RNF17: variants seen among roughly 807,000 people sequenced by gnomAD.
RNF17 encodes the protein spermatogenesis associated 23.
In RNF17, 31 loss-of-function variants were observed where a neutral mutation model predicts 200.5. That is an observed-to-expected ratio of 0.15 (90% confidence interval 0.12 to 0.21). The LOEUF (loss-of-function observed/expected upper bound fraction) is 0.21. Among genes scored for constraint, RNF17 ranks in the 10% least tolerant of loss-of-function variants. RNF17 has a pLI of 1.00. For missense variants in RNF17, 1,628 were observed against 1,905.1 expected (o/e 0.85, Z 2.71); for synonymous variants, 606 against 637.8 (o/e 0.95, Z 0.75).
At chr13:24,759,090 A>AAG in the RNF17 span, among the ~76,000 whole-genome samples, 4 of 151,520 alleles carry the variant, frequency 2.6e-5, no homozygotes, top group South Asian at 2.1e-4. Flanking sequence ...AAAAAAAAAA[A>AAG]AAAAAAAAAA....
At chr13:24,769,088 C>G (rs1880271965) in intron 2 of RNF17, among the ~76,000 whole-genome samples, 1 of 143,478 alleles carries the variant, frequency 7.0e-6, no homozygotes, top group African/African-American at 2.6e-5. Context: ...GGTAGTAGAT[C>G]CCTGATGGAT....
intron 6 of RNF17, among the ~76,000 whole-genome samples, chr13:24,782,791 T>C: frequency 6.6e-6 from 1 of 152,202 alleles, no homozygotes; most frequent in East Asian, 1.9e-4. Flanking sequence ...AGCAATTCTT[T>C]GTATATTTTG....
At chr13:24,883,341 T>G (rs1213678504), downstream of RNF17, 1 of 1,613,256 alleles carries the variant, frequency 6.2e-7, no homozygotes, top group Non-Finnish European at 8.5e-7. Flanking sequence ...CTTTGGCCAT[T>G]ATTAAACTCT....
At chr13:24,880,501 C>T (rs1001705085), downstream of RNF17, among the ~76,000 whole-genome samples, 1 of 152,188 alleles carries the variant, frequency 6.6e-6, no homozygotes, top group Non-Finnish European at 1.5e-5. Context: ...TGAATGCATC[C>T]ATAAATGACA....
chr13:24,830,447 T>A (rs759834228), intron 16 of RNF17, 37 bp from the exon 17 acceptor site: 3 of 1,313,332 alleles, frequency 2.3e-6, no homozygotes, highest in Non-Finnish European at 3.3e-6. Context: ...TAATTCTGTT[T>A]CCAAGTTTGT....
In RNF17 at chr13:24,767,488, G is replaced by A. The variant is rs1025716233; in HGVS notation, c.225+122G>A. On this transcript the variant is annotated intron_variant, in intron 2 of 35. Coordinates refer to ENST00000255324, the MANE Select transcript of RNF17 (RefSeq NM_031277.3). Reference sequence around the variant, plus strand: ...AAGTTGGCCGGGCGTGGTGGCTGACGCCTGTAATCCCAGCACTTTTGGAGG... The same window carrying A: ...AAGTTGGCCGGGCGTGGTGGCTGACACCTGTAATCCCAGCACTTTTGGAGG... The A allele has an allele frequency of 2.4e-5, 15 of 632,802 alleles. 1 individual carries two copies. Among genetic ancestry groups the A allele is most frequent in the South Asian group, 1.1e-4 (6 of 52,950 alleles). The allele number at this position is 632,802 out of a possible 1,614,324, so 39.2% of individuals were successfully genotyped here.
rs1400198734 is a variant in RNF17 at position 24,868,664 on chromosome 13, C to T, written c.4226C>T (p.Ser1409Phe). Residue 1409 changes from serine (S) to phenylalanine (F), a missense_variant, in exon 31 of 36, where the codon TCC (serine) becomes TTC (phenylalanine). Physicochemically the swap from Ser to Phe is radical, Grantham distance 155. Coordinates refer to ENST00000255324, the MANE Select transcript of RNF17 (RefSeq NM_031277.3). The part of the protein sequence containing the change: ...LPPYLSSSLP[S>F]PGELYAVQVK... Reference sequence around the variant, plus strand: ...CCATATTTGTCTTCATCTCTGCCTTCCCCAGGAGAACTCTATGCTGTTCAA... The same window carrying T: ...CCATATTTGTCTTCATCTCTGCCTTTCCCAGGAGAACTCTATGCTGTTCAA... 1 of 1,609,880 alleles carries T rather than the reference C, an allele frequency of 6.2e-7. No individual in the cohort carries two copies. Among genetic ancestry groups the T allele is most frequent in the Non-Finnish European group, 8.5e-7 (1 of 1,176,382 alleles).
At chr13:24,764,471 G>A (rs1423217459) in intron 1 of RNF17, 138 bp downstream of exon 1, 34 of 1,265,628 alleles carry the variant, frequency 2.7e-5, no homozygotes, top group Admixed American at 5.6e-5. Flanking sequence ...CAGGCCTCCC[G>A]CGAGCTGCAC....
At chr13:24,870,870 G>A (rs1199129536) in intron 32 of RNF17, 131 bp downstream of exon 32, 2 of 618,340 alleles carry the variant, frequency 3.2e-6, no homozygotes, top group South Asian at 3.0e-5. Flanking sequence ...ATGATTTCCT[G>A]TAATCCTCAA....
chr13:24,826,810 C>G (rs569437804), intron 16 of RNF17, among the ~76,000 whole-genome samples: 1 of 151,312 alleles, frequency 6.6e-6, no homozygotes, highest in African/African-American at 2.4e-5. Flanking sequence ...CCTGTAATCC[C>G]AGCACTTTGG....
intron 2 of RNF17, among the ~76,000 whole-genome samples, chr13:24,769,399 G>A (rs186106690): frequency 3.7e-4 from 57 of 152,102 alleles, no homozygotes; most frequent in African/African-American, 1.3e-3. Flanking sequence ...CCCATCCTCC[G>A]TTCCTATTCC....
intron 22 of RNF17, among the ~76,000 whole-genome samples, chr13:24,850,062 C>T (rs1891700139): frequency 6.6e-6 from 1 of 151,822 alleles, no homozygotes; most frequent in South Asian, 2.1e-4. Flanking sequence ...TTAAAATATA[C>T]CTGTTTTTTA....
intron 30 of RNF17, among the ~76,000 whole-genome samples, chr13:24,866,903 C>A (rs1363345896): frequency 6.6e-6 from 1 of 152,116 alleles, no homozygotes; most frequent in Non-Finnish European, 1.5e-5. Context: ...TGCAAGGACC[C>A]CATTTTTTCC....
intron 25 of RNF17, among the ~76,000 whole-genome samples, chr13:24,854,770 T>C (rs1223627879): frequency 6.6e-6 from 1 of 152,188 alleles, no homozygotes; most frequent in Admixed American, 6.5e-5. Flanking sequence ...ACATTAAAAA[T>C]CACTAAAAGT....
At chr13:24,778,113 T>G (rs1407147158) in intron 3 of RNF17, among the ~76,000 whole-genome samples, 182 bp from the exon 4 acceptor site, 2 of 152,052 alleles carry the variant, frequency 1.3e-5, no homozygotes, top group Non-Finnish European at 2.9e-5. Flanking sequence ...AATACAAAAA[T>G]TAGCCGAGTG....
chr13:24,802,025 C>T (rs1225324696), intron 13 of RNF17, among the ~76,000 whole-genome samples: 3 of 151,826 alleles, frequency 2.0e-5, no homozygotes, highest in Admixed American at 6.6e-5. Context: ...CTTGTTCTGT[C>T]GCCCAGGCTG....
intron 11 of RNF17, among the ~76,000 whole-genome samples, chr13:24,796,920 A>T (rs1401294220): frequency 6.6e-6 from 1 of 152,210 alleles, no homozygotes; most frequent in African/African-American, 2.4e-5. Flanking sequence ...ATACCTATAT[A>T]TAACTAATAC....
At chr13:24,777,754 A>G (rs948121408) in intron 3 of RNF17, among the ~76,000 whole-genome samples, 1 of 152,246 alleles carries the variant, frequency 6.6e-6, no homozygotes, top group Non-Finnish European at 1.5e-5. Flanking sequence ...AGAAATTAAA[A>G]CACAATATAT....
chr13:24,886,133 C>T, the RNF17 span: 2 of 422,602 alleles, frequency 4.7e-6, no homozygotes. Context: ...AATAAACACG[C>T]CCCCACCAAC....
Sources: gnomAD v4.1 joint callset for allele counts (sites outside exome capture counted in the v4.1 genomes callset) on GRCh38, gnomAD v4.1.1 for gene constraint, MANE v1.5 for transcripts, NCBI Gene and HGNC (gene_info 2026-07-23, HGNC 2026-07-21) for gene names.